Variants in LRP8 observed in about 807,000 individuals in gnomAD.
LRP8 encodes LDL receptor related protein 8, also known as low-density lipoprotein receptor-related protein 8.
A neutral mutation model predicts 111.6 loss-of-function variants in LRP8; 46 were observed. The observed-to-expected ratio is 0.41, with a 90% CI of 0.33 to 0.53. The LOEUF (loss-of-function observed/expected upper bound fraction) is 0.53, where lower values mean the gene tolerates loss of function less well. LRP8 is among the 20% of genes least tolerant of loss of function. The pLI, the probability that LRP8 is intolerant of heterozygous loss-of-function variation, is 0.20. For missense variants in LRP8, 959 were observed against 1,297.4 expected (o/e 0.74, Z 4.01); for synonymous variants, 464 against 511.2 (o/e 0.91, Z 1.24).
intron 2 of LRP8, among the ~76,000 whole-genome samples, chr1:53,314,953 A>G (rs1364438134): frequency 1.3e-5 from 2 of 152,104 alleles, no homozygotes; most frequent in African/African-American, 4.8e-5. Flanking sequence ...GCCCAGGGGG[A>G]GTAGGAGATA....
At chr1:53,255,236 G>T in intron 15 of LRP8, 51 bp from the exon 16 acceptor site, 1 of 1,526,772 alleles carries the variant, frequency 6.5e-7, no homozygotes, top group Non-Finnish European at 9.0e-7. Flanking sequence ...GTGTGTCCAA[G>T]CCCCTACTGG....
At chr1:53,305,474 C>T (rs1441642598) in intron 2 of LRP8, 2 of 152,262 alleles carry the variant, frequency 1.3e-5, no homozygotes, top group African/African-American at 2.4e-5. Flanking sequence ...CATCTGGAGG[C>T]CTAGCCTCTG....
At position 53,245,423 on chromosome 1, in the gene LRP8, T is replaced by G. The variant is rs1193081658; in HGVS notation, c.*1595A>C. The G allele has an allele frequency of 6.6e-6, 1 of 152,170 alleles. No individual in the cohort carries two copies. Among genetic ancestry groups the G allele is most frequent in the Admixed American group, 6.5e-5 (1 of 15,284 alleles). The allele number at this position is 152,170 out of a possible 1,614,324, so 9.4% of individuals were successfully genotyped here. A position where few individuals can be genotyped will look rare whatever the true frequency, so the allele number is the denominator to read the frequency against. ...AAAGCCACTGGGGACTGAATCCTTC[T>G]GGGACTATAGGATTATGTTTCCAAT... On this transcript the variant is annotated 3_prime_UTR_variant, in exon 19 of 19. Coordinates refer to ENST00000306052, the MANE Select transcript of LRP8 (RefSeq NM_004631.5).
rs1645689668 is a variant in LRP8, at chr1:53,244,422, A to T, written c.*2596T>A. 6.6e-6 allele frequency: 1 copy of T among 152,272 alleles called. No homozygotes were observed. The highest frequency in any genetic ancestry group is 2.1e-4 in the South Asian group (1 of 4,836). 9.4% of individuals were successfully genotyped at this position (152,272 alleles called of 1,614,324 possible). On this transcript the variant is annotated 3_prime_UTR_variant, in exon 19 of 19. Transcript: ENST00000306052. ...TATGCACGGGGGCAAAAGGCAAAAG[A>T]TATGTAACTGTACCTCAAAATGAGG...
In LRP8 at chr1:53,327,003, G is replaced by A; in HGVS notation, c.125-11C>T. On this transcript the variant is annotated splice_polypyrimidine_tract_variant and intron_variant, in intron 1 of 18. Transcript: ENST00000306052. Reference sequence around the variant, plus strand: ...AATCCTTGGCCGGCCCTGCGAGGGGGAGGGAGCGTGAGCTGGATCAGCGGA... The same window carrying A: ...AATCCTTGGCCGGCCCTGCGAGGGGAAGGGAGCGTGAGCTGGATCAGCGGA... 6.2e-7 allele frequency: 1 copy of A among 1,611,414 alleles called. No individual in the cohort carries two copies. Among genetic ancestry groups the A allele is most frequent in the Non-Finnish European group, 8.5e-7 (1 of 1,179,744 alleles).
intron 1 of LRP8, 155 bp from the exon 2 acceptor site, chr1:53,327,147 C>T: frequency 9.6e-7 from 1 of 1,038,572 alleles, no homozygotes; most frequent in Non-Finnish European, 1.4e-6. Flanking sequence ...AAAGGGAGGG[C>T]ACGATGGCAG....
At chr1:53,259,907 C>T (rs768569527) in intron 13 of LRP8, among the ~76,000 whole-genome samples, 2 of 152,326 alleles carry the variant, frequency 1.3e-5, no homozygotes, top group South Asian at 4.1e-4. Context: ...CCTCTTTCAC[C>T]CTGGCAGCCA....
At chr1:53,264,443 G>C in intron 9 of LRP8, 47 bp from the exon 10 acceptor site, 1 of 1,494,212 alleles carries the variant, frequency 6.7e-7, no homozygotes, top group South Asian at 1.2e-5. Flanking sequence ...TCCACCCATG[G>C]GCCCATCTGG....
Position 53,303,868 on chromosome 1 carries a change from A to G in LRP8, c.245-14179T>C, listed in dbSNP as rs565911855. ...CAGCCGTGCTGGCTGGAGGCTGAAC[A>G]CGTTCCTTCCTCTTGAACGGGGAGG... On this transcript the variant is annotated intron_variant, in intron 2 of 18. Coordinates refer to ENST00000306052, the MANE Select transcript of LRP8 (RefSeq NM_004631.5). The surrounding 1 kb of genome is among the most constrained non-coding windows in gnomAD (Gnocchi z 4.3). Among the ~76,000 whole-genome samples, 205 of 152,290 alleles carry G rather than the reference A, an allele frequency of 1.3e-3. No homozygotes were observed. The highest frequency in any genetic ancestry group is 4.6e-3 in the African/African-American group (192 of 41,572).
Position 53,266,571 on chromosome 1 carries a change from T to C in LRP8, c.1329A>G (p.Ser443=). ...CATTCTTGAGCATGGGGATGAGGCG[T>C]GAATAGTTCCGCTTCACCAGGTCGA... ...RRIDLVKRNY[S]RLIPMLKNVV... is the part of the protein sequence containing the mutation. The change falls in exon 9 of 19, where the codon TCA becomes TCG. Residue 443 remains serine, a synonymous_variant. Transcript: ENST00000306052. This position sits in a 1 kb window ranked among gnomAD's most constrained non-coding sequence, Gnocchi z 5.0. 6.2e-7 allele frequency: 1 copy of C among 1,614,098 alleles called. No individual in the cohort carries two copies. Among genetic ancestry groups the C allele is most frequent in the Non-Finnish European group, 8.5e-7 (1 of 1,180,036 alleles).
Position 53,250,673 on chromosome 1 carries a change from C to T in LRP8, c.2676+17G>A. The stretch of plus-strand genomic sequence containing the variant: ...GATGGTCGGAAGGTAGGAATTCTCC[C>T]AGTGAGAAATACTTACTGCAGGATA... On this transcript the variant is annotated intron_variant, in intron 17 of 18. Transcript: ENST00000306052. The surrounding 1 kb of genome is among the most constrained non-coding windows in gnomAD (Gnocchi z 4.6). 2 of 1,608,878 alleles carry T rather than the reference C, an allele frequency of 1.2e-6. No individual in the cohort carries two copies. The highest frequency in any genetic ancestry group is 1.7e-6 in the Non-Finnish European group (2 of 1,176,236).
At chr1:53,297,551 C>T (rs1027673579) in intron 2 of LRP8, among the ~76,000 whole-genome samples, 6 of 152,186 alleles carry the variant, frequency 3.9e-5, no homozygotes, top group Admixed American at 3.9e-4. Flanking sequence ...CGCCCTCTCC[C>T]CCACCTTCCC....
At chr1:53,318,392 C>A (rs1654081264) in intron 2 of LRP8, among the ~76,000 whole-genome samples, 1 of 152,080 alleles carries the variant, frequency 6.6e-6, no homozygotes. Flanking sequence ...AGAGGGAAGT[C>A]CTTCAGCTGC....
chr1:53,318,564 C>A (rs1298671960), intron 2 of LRP8, among the ~76,000 whole-genome samples: 2 of 152,100 alleles, frequency 1.3e-5, no homozygotes, highest in African/African-American at 4.8e-5. Flanking sequence ...AGCAAATGCA[C>A]AAGGATGGAG....
chr1:53,265,851 A>G (rs904440078), intron 9 of LRP8, among the ~76,000 whole-genome samples: 1 of 152,222 alleles, frequency 6.6e-6, no homozygotes, highest in African/African-American at 2.4e-5. Context: ...CCAGACATGC[A>G]GTGGGGCAGG....
chr1:53,258,617 T>C, intron 13 of LRP8, 146 bp from the exon 14 acceptor site: 2 of 683,458 alleles, frequency 2.9e-6, no homozygotes, highest in Non-Finnish European at 4.8e-6. Context: ...TTTCTTTCTT[T>C]TTTTATCCCC....
intron 2 of LRP8, among the ~76,000 whole-genome samples, chr1:53,315,431 G>GAAGTT (rs1366454139): frequency 6.6e-6 from 1 of 152,188 alleles, no homozygotes; most frequent in Non-Finnish European, 1.5e-5. Flanking sequence ...GTGTGCCTCA[G>GAAGTT]AAGTTAACTC....
chr1:53,275,505 G>T lies in LRP8; in HGVS notation c.1006+126C>A. On this transcript the variant is annotated intron_variant, in intron 6 of 18. Transcript: ENST00000306052. The surrounding 1 kb of genome is among the most constrained non-coding windows in gnomAD (Gnocchi z 4.4). ...GGAGCCAGGTGATTTAGGGGCAAGT[G>T]ATGCTCTGGGGGAAAATGCATCTTG... The T allele has an allele frequency of 1.5e-6, 2 of 1,292,166 alleles. No homozygotes were observed. Among genetic ancestry groups the T allele is most frequent in the Non-Finnish European group, 2.1e-6 (2 of 930,902 alleles). 80.0% of individuals were successfully genotyped at this position (1,292,166 alleles called of 1,614,324 possible). A position where few individuals can be genotyped will look rare whatever the true frequency, so the allele number is the denominator to read the frequency against.
In LRP8 at chr1:53,326,915, C is replaced by T. The variant is rs1352452647; in HGVS notation, c.202G>A (p.Glu68Lys). The change falls in exon 2 of 19, where the codon GAG becomes AAG. Residue 68 changes from glutamate (E) to lysine (K), a missense_variant. Glu to Lys is a moderately conservative substitution (Grantham distance 56, BLOSUM62 1). This residue lies in a region of LRP8 where 97 missense variants were observed against 107.5 expected (regional missense o/e 0.90). Coordinates refer to ENST00000306052, the MANE Select transcript of LRP8 (RefSeq NM_004631.5). ...CTGTGGTCTAAGCAGTCATCGTCCT[C>T]GTCGCATCTCCACACAGAGGGGATG... Reference protein sequence around the residue: ...RCIPSVWRCDEDDDCLDHSDE... With the variant: ...RCIPSVWRCDKDDDCLDHSDE... 2 of 1,613,978 alleles carry T rather than the reference C, an allele frequency of 1.2e-6. No individual in the cohort carries two copies. The highest frequency in any genetic ancestry group is 8.5e-7 in the Non-Finnish European group (1 of 1,180,006).
Sources: allele counts gnomAD v4.1 joint callset (sites outside exome capture counted in the v4.1 genomes callset), GRCh38; gene constraint gnomAD v4.1.1; regional missense constraint gnomAD v4.1.1; non-coding constraint Gnocchi (gnomAD v3.1); transcripts MANE v1.5; gene names NCBI Gene and HGNC (gene_info 2026-07-23, HGNC 2026-07-21).